The following CSMD3 variants were observed in gnomAD, a reference collection of about 807,000 sequenced individuals.
CSMD3 encodes the protein CUB and Sushi multiple domains 3, also known as CUB and sushi domain-containing protein 3.
In CSMD3, 177 loss-of-function variants were observed where a neutral mutation model predicts 435.2. The observed-to-expected ratio is 0.41, with a 90% CI of 0.36 to 0.46. The LOEUF is 0.46. Among genes scored for constraint, CSMD3 ranks in the 20% least tolerant of loss-of-function variants. The pLI is 0.34. For synonymous variants in CSMD3, 1,656 were observed against 1,520.5 expected (o/e 1.09, Z -2.07); for missense variants, 4,265 against 4,504.6 (o/e 0.95, Z 1.52).
chr8:113,023,612 T>C (rs1302034190), intron 5 of CSMD3, among the ~76,000 whole-genome samples: 1 of 152,122 alleles, frequency 6.6e-6, no homozygotes, highest in Non-Finnish European at 1.5e-5. Flanking sequence ...CCTGGAACTT[T>C]GCATATACTT....
At chr8:112,594,288 T>C (rs983112828) in intron 22 of CSMD3, among the ~76,000 whole-genome samples, 7 of 152,040 alleles carry the variant, frequency 4.6e-5, no homozygotes, top group African/African-American at 1.7e-4. Flanking sequence ...TCACTCCCAC[T>C]CGAATATTGC....
intron 5 of CSMD3, among the ~76,000 whole-genome samples, chr8:113,033,788 T>A (rs1208882214): frequency 6.6e-6 from 1 of 151,258 alleles, no homozygotes; most frequent in Non-Finnish European, 1.5e-5. Flanking sequence ...GGAATAATAT[T>A]ATTTGGCTCT....
intron 23 of CSMD3, among the ~76,000 whole-genome samples, chr8:112,579,118 A>G (rs2131322519): frequency 6.6e-6 from 1 of 152,194 alleles, no homozygotes; most frequent in East Asian, 1.9e-4. Context: ...AGGAAAGTGA[A>G]AAATCAAAAA....
intron 40 of CSMD3, among the ~76,000 whole-genome samples, chr8:112,350,060 C>T (rs1254274113): frequency 7.2e-5 from 11 of 152,088 alleles, no homozygotes; most frequent in African/African-American, 2.4e-4. Flanking sequence ...AAAGATCATG[C>T]AAGAGATACC....
chr8:112,867,062 A>G (rs1167703680), intron 10 of CSMD3, among the ~76,000 whole-genome samples: 1 of 152,078 alleles, frequency 6.6e-6, no homozygotes, highest in Non-Finnish European at 1.5e-5. Flanking sequence ...ATATGAAATC[A>G]CTGGAAATGG....
intron 22 of CSMD3, among the ~76,000 whole-genome samples, chr8:112,630,352 A>G (rs1445883950): frequency 3.3e-5 from 5 of 152,318 alleles, no homozygotes; most frequent in African/African-American, 1.2e-4. Context: ...GATTATATAT[A>G]TAACTGCTAA....
At chr8:112,299,664 T>G (rs1400042904) in intron 53 of CSMD3, among the ~76,000 whole-genome samples, 1 of 152,070 alleles carries the variant, frequency 6.6e-6, no homozygotes, top group African/African-American at 2.4e-5. Flanking sequence ...GAAACAATTA[T>G]AAGCACATTC....
intron 3 of CSMD3, among the ~76,000 whole-genome samples, chr8:113,265,073 A>T (rs1369482316): frequency 6.6e-6 from 1 of 151,638 alleles, no homozygotes; most frequent in African/African-American, 2.4e-5. Context: ...ATGATTTTTT[A>T]TACATGTTGC....
intron 3 of CSMD3, among the ~76,000 whole-genome samples, chr8:113,248,882 A>G (rs755559669): frequency 1.4e-4 from 21 of 152,010 alleles, no homozygotes; most frequent in Non-Finnish European, 2.6e-4. Context: ...GCGATTGCTG[A>G]AACTGTCAAC....
chr8:112,912,339 T>C (rs1224665600), intron 10 of CSMD3, among the ~76,000 whole-genome samples: 1 of 151,720 alleles, frequency 6.6e-6, no homozygotes, highest in Non-Finnish European at 1.5e-5. Flanking sequence ...ATCTGCATAC[T>C]ATTTTTCATA....
chr8:112,571,884 AAAAGAAAG>A (rs771385974), intron 24 of CSMD3, among the ~76,000 whole-genome samples: 2 of 148,994 alleles, frequency 1.3e-5, no homozygotes, highest in East Asian at 3.9e-4. Flanking sequence ...AAAAAAAAAA[AAAAGAAAG>A]AAAGAAAGAA....
chr8:112,695,736 A>G (rs969522053), intron 13 of CSMD3, among the ~76,000 whole-genome samples: 1 of 152,204 alleles, frequency 6.6e-6, no homozygotes, highest in African/African-American at 2.4e-5. Flanking sequence ...GGCCAGGGCA[A>G]TCAGGCAGGA....
intron 4 of CSMD3, among the ~76,000 whole-genome samples, chr8:113,127,305 A>G (rs1018470459): frequency 6.6e-6 from 1 of 152,058 alleles, no homozygotes. Flanking sequence ...AAGCATTTCA[A>G]ACTTGGTATC....
intron 20 of CSMD3, among the ~76,000 whole-genome samples, chr8:112,642,419 T>G (rs937067941): frequency 6.6e-6 from 1 of 152,176 alleles, no homozygotes; most frequent in Admixed American, 6.6e-5. Flanking sequence ...TTAACTGAGT[T>G]TGAAACTACT....
rs530140066 is a variant in CSMD3 at position 113,280,510 on chromosome 8, T to C, written c.402-1806A>G. 5.3e-5 allele frequency among the ~76,000 whole-genome samples: 8 copies of C among 152,124 alleles called. No homozygotes were observed. The East Asian group carries it at 1.5e-3, about 29-fold the overall frequency. The stretch of plus-strand genomic sequence containing the variant: ...CATTTTGGTTGTGTCAGTTGTAATA[T>C]CTCCTGTTTCATTTCTTAGTGAGGT... On this transcript the variant is annotated intron_variant, in intron 2 of 70. Coordinates refer to ENST00000297405, the MANE Select transcript of CSMD3 (RefSeq NM_198123.2).
At chr8:112,243,810 C>G (rs1478447782) in intron 65 of CSMD3, among the ~76,000 whole-genome samples, 2 of 151,968 alleles carry the variant, frequency 1.3e-5, no homozygotes, top group Non-Finnish European at 2.9e-5. Flanking sequence ...TAAAACAATC[C>G]TGATTTTAGG....
chr8:113,409,800 A>T (rs2094549881), intron 1 of CSMD3, among the ~76,000 whole-genome samples: 1 of 152,112 alleles, frequency 6.6e-6, no homozygotes, highest in South Asian at 2.1e-4. Context: ...GCTGAGGAAG[A>T]TACTGACTGG....
chr8:113,263,860 A>G (rs1232773424), intron 3 of CSMD3, among the ~76,000 whole-genome samples: 1 of 151,852 alleles, frequency 6.6e-6, no homozygotes, highest in Non-Finnish European at 1.5e-5. Context: ...GATAGTTATT[A>G]TTTCAAGTAC....
chr8:112,845,284 A>G (rs1288319894), intron 11 of CSMD3, among the ~76,000 whole-genome samples: 2 of 152,024 alleles, frequency 1.3e-5, no homozygotes, highest in East Asian at 3.9e-4. Context: ...ACTAAGGAAA[A>G]TAAGTGCACA....
Sources: allele counts gnomAD v4.1 joint callset (sites outside exome capture counted in the v4.1 genomes callset), GRCh38; gene constraint gnomAD v4.1.1; transcripts MANE v1.5; gene names NCBI Gene and HGNC (gene_info 2026-07-23, HGNC 2026-07-21).